The following CNTNAP2 variants were observed in gnomAD, a reference collection of about 807,000 sequenced individuals.
CNTNAP2 encodes the protein contactin-associated protein-like 2.
Under a neutral mutation model 155.2 loss-of-function variants are expected in CNTNAP2, and 98 were observed. The ratio of observed to expected loss-of-function variants is 0.63; its 90% CI spans 0.54 to 0.75. CNTNAP2 has a LOEUF of 0.75. Among genes scored for constraint, CNTNAP2 ranks in the 30% least tolerant of loss-of-function variants. CNTNAP2 has a pLI of 0.00. For missense variants in CNTNAP2, 1,727 were observed against 1,688.1 expected (o/e 1.02, Z -0.40); for synonymous variants, 651 against 631.2 (o/e 1.03, Z -0.47).
Position 148,331,763 on chromosome 7 carries a change from T to TGGACGGATGGAG in CNTNAP2, c.3476-51886_3476-51885insGGACGGATGGAG, listed in dbSNP as rs1563046107. ...TGGATGGATGGAACGGACGGATGGATTGGATGGATGGAATGGACAGATGGA... is the reference window on the plus strand; with the variant it reads ...TGGATGGATGGAACGGACGGATGGATGGACGGATGGAGTGGATGGATGGAATGGACAGATGGA... On this transcript the variant is annotated intron_variant, in intron 21 of 23. Transcript: ENST00000361727. Among the ~76,000 whole-genome samples the TGGACGGATGGAG allele has an allele frequency of 3.9e-3, 59 of 15,146 alleles. 1 individual carries two copies. Among genetic ancestry groups the TGGACGGATGGAG allele is most frequent in the Admixed American group, 4.7e-3 (7 of 1,478 alleles). The allele number at this position is 15,146 out of a possible 152,430, so 9.9% of individuals were successfully genotyped here.
At chr7:147,985,406 A>C (rs200877140) in intron 15 of CNTNAP2, among the ~76,000 whole-genome samples, 25 of 28,294 alleles carry the variant, frequency 8.8e-4, no homozygotes, top group African/African-American at 1.8e-3. Flanking sequence ...TTATGTTTTT[A>C]CTTTTTTTTT....
At chr7:146,531,033 G>T (rs1386167873) in intron 1 of CNTNAP2, among the ~76,000 whole-genome samples, 1 of 152,158 alleles carries the variant, frequency 6.6e-6, no homozygotes, top group African/African-American at 2.4e-5. Flanking sequence ...ATACACCGTG[G>T]AATACTGTGC....
chr7:147,285,724 G>GA (rs947409161), intron 8 of CNTNAP2, among the ~76,000 whole-genome samples: 51 of 152,114 alleles, frequency 3.4e-4, no homozygotes, highest in African/African-American at 1.2e-3. Flanking sequence ...GGGACATGGA[G>GA]AAGAGGCAAG....
chr7:147,849,239 C>T (rs1398886566), intron 13 of CNTNAP2, among the ~76,000 whole-genome samples: 4 of 152,172 alleles, frequency 2.6e-5, no homozygotes, highest in African/African-American at 9.7e-5. Context: ...GCCAATATTA[C>T]ATTTTCATCA....
At chr7:146,718,005 A>G (rs1170570521) in intron 1 of CNTNAP2, among the ~76,000 whole-genome samples, 3 of 152,152 alleles carry the variant, frequency 2.0e-5, no homozygotes, top group Non-Finnish European at 4.4e-5. Flanking sequence ...TACACCTTTA[A>G]TAACATTATG....
chr7:146,932,671 A>G (rs560834016), intron 3 of CNTNAP2, among the ~76,000 whole-genome samples: 10 of 152,142 alleles, frequency 6.6e-5, no homozygotes, highest in Non-Finnish European at 1.5e-4. Flanking sequence ...ATGACATGAT[A>G]GTATATCTGG....
At chr7:147,407,091 A>C (rs1364337236) in intron 10 of CNTNAP2, among the ~76,000 whole-genome samples, 1 of 152,222 alleles carries the variant, frequency 6.6e-6, no homozygotes, top group Non-Finnish European at 1.5e-5. Flanking sequence ...ACATGACATA[A>C]AAGTGCATTG....
intron 13 of CNTNAP2, among the ~76,000 whole-genome samples, chr7:147,788,400 T>G (rs935260105): frequency 5.9e-5 from 9 of 152,238 alleles, no homozygotes; most frequent in Non-Finnish European, 1.3e-4. Context: ...GCTTGAATGC[T>G]TGAATGTTTG....
rs190165492 is a variant in CNTNAP2, at chr7:148,205,594, T to C, written c.3011-11694T>C. On this transcript the variant is annotated intron_variant, in intron 18 of 23. Transcript: ENST00000361727. ...GATATATTATTCTAAATGCATCTTA[T>C]AACATTTTCATTAATAAACTGCTGT... 1.2e-3 allele frequency among the ~76,000 whole-genome samples: 179 copies of C among 152,330 alleles called. No individual in the cohort carries two copies. In the South Asian group the frequency reaches 0.012, roughly 10 times the overall value.
intron 3 of CNTNAP2, among the ~76,000 whole-genome samples, chr7:147,026,074 G>A (rs1050235349): frequency 5.3e-5 from 8 of 152,112 alleles, no homozygotes; most frequent in Middle Eastern, 3.4e-3. Context: ...TGGCCAGGAC[G>A]GTCTGGAATG....
At chr7:147,443,413 C>G (rs1176941634) in intron 10 of CNTNAP2, among the ~76,000 whole-genome samples, 1 of 152,170 alleles carries the variant, frequency 6.6e-6, no homozygotes, top group Non-Finnish European at 1.5e-5. Flanking sequence ...GGGGTGTCGT[C>G]ATGGCAATTA....
In CNTNAP2 at chr7:148,229,756, C is replaced by T; in HGVS notation, c.3358C>T (p.His1120Tyr). Residue 1120 changes from histidine (H) to tyrosine (Y), a missense_variant, in exon 20 of 24, where the codon CAC (histidine) becomes TAC (tyrosine). By Grantham distance (83) the His-to-Tyr change is moderately conservative (BLOSUM62 2). Transcript: ENST00000361727. ...GCCCCACAGTGTCAACATCACCCGC[C>T]ACGAGAAGACCATCTTTCTCAAGGT... ...GQPHSVNITRHEKTIFLKLDH... is the reference protein window; with the variant it reads ...GQPHSVNITRYEKTIFLKLDH... 1 of 1,614,098 alleles carries T rather than the reference C, an allele frequency of 6.2e-7. No individual in the cohort carries two copies. The highest frequency in any genetic ancestry group is 1.3e-5 in the African/African-American group (1 of 75,040).
chr7:147,299,067 T>A (rs146815942), intron 8 of CNTNAP2, among the ~76,000 whole-genome samples: 2 of 152,280 alleles, frequency 1.3e-5, no homozygotes, highest in Admixed American at 6.5e-5. Context: ...CACGTCCTCA[T>A]GTAACTTCTA....
intron 14 of CNTNAP2, among the ~76,000 whole-genome samples, chr7:147,922,104 A>C (rs1800292446): frequency 6.6e-6 from 1 of 152,262 alleles, no homozygotes; most frequent in African/African-American, 2.4e-5. Flanking sequence ...GCATTACAAT[A>C]ATCACATTTA....
intron 3 of CNTNAP2, among the ~76,000 whole-genome samples, chr7:146,861,253 A>C (rs185128458): frequency 6.6e-6 from 1 of 152,146 alleles, no homozygotes; most frequent in Admixed American, 6.5e-5. Context: ...GAGTTTCACC[A>C]TGTTGTCCAG....
chr7:148,213,583 C>T (rs1795585039), intron 18 of CNTNAP2, among the ~76,000 whole-genome samples: 1 of 152,086 alleles, frequency 6.6e-6, no homozygotes, highest in Non-Finnish European at 1.5e-5. Context: ...AGCCTGCCTC[C>T]CACCCTCCCT....
chr7:147,104,505 G>A (rs756911628), intron 4 of CNTNAP2, among the ~76,000 whole-genome samples: 1 of 151,562 alleles, frequency 6.6e-6, no homozygotes, highest in Non-Finnish European at 1.5e-5. Context: ...ATGAAATAAT[G>A]CCTTTTAAAT....
At chr7:146,247,650 G>C (rs933241774) in intron 1 of CNTNAP2, among the ~76,000 whole-genome samples, 1 of 152,180 alleles carries the variant, frequency 6.6e-6, no homozygotes, top group Non-Finnish European at 1.5e-5. Context: ...GATCTTGCAG[G>C]ATGGAAAAAT....
chr7:146,162,971 C>T (rs1367496078), intron 1 of CNTNAP2, among the ~76,000 whole-genome samples: 2 of 152,042 alleles, frequency 1.3e-5, no homozygotes, highest in African/African-American at 2.4e-5. Flanking sequence ...AACACTTGGA[C>T]ACAGGGTGGG....
Sources: allele counts gnomAD v4.1 joint callset (sites outside exome capture counted in the v4.1 genomes callset), GRCh38; gene constraint gnomAD v4.1.1; transcripts MANE v1.5; gene names NCBI Gene and HGNC (gene_info 2026-07-23, HGNC 2026-07-21).